GAS7: variants seen among roughly 807,000 people sequenced by gnomAD.
GAS7 encodes the protein growth arrest specific 7.
Under a neutral mutation model 71.1 loss-of-function variants are expected in GAS7, and 28 were observed. That is an observed-to-expected ratio of 0.39 (90% CI 0.29 to 0.54). The LOEUF is 0.54. Among genes scored for constraint, GAS7 ranks in the 20% least tolerant of loss-of-function variants. The pLI, the probability that GAS7 is intolerant of heterozygous loss-of-function variation, is 0.62. For missense variants in GAS7, 436 were observed against 627.8 expected, an observed-to-expected ratio of 0.69 and a Z score of 3.27; for synonymous variants, 258 against 245.8, an observed-to-expected ratio of 1.05 and a Z score of -0.46.
At chr17:10,065,970 C>T (rs551977472) in intron 1 of GAS7, among the ~76,000 whole-genome samples, 8 of 151,890 alleles carry the variant, frequency 5.3e-5, no homozygotes, top group Non-Finnish European at 1.0e-4. Flanking sequence ...TTGGGAGCCC[C>T]AAAGGAGGTC....
chr17:10,186,928 T>C (rs978719443), intron 1 of GAS7, among the ~76,000 whole-genome samples: 3 of 152,082 alleles, frequency 2.0e-5, no homozygotes, highest in African/African-American at 7.2e-5. Flanking sequence ...CAGCACTGAA[T>C]TCAGTCTGAG....
At chr17:10,109,477 T>A (rs1478627120) in intron 1 of GAS7, among the ~76,000 whole-genome samples, 1 of 152,202 alleles carries the variant, frequency 6.6e-6, no homozygotes, top group Non-Finnish European at 1.5e-5. Context: ...AGATGGGATC[T>A]CTTGTACACT....
intron 1 of GAS7, among the ~76,000 whole-genome samples, chr17:10,048,287 G>A (rs1410273039): frequency 1.3e-5 from 2 of 152,354 alleles, no homozygotes; most frequent in South Asian, 2.1e-4. Flanking sequence ...CATTGCAGTT[G>A]CGCCTGGGCG....
rs1017373298 is a variant in GAS7 at position 10,118,502 on chromosome 17, G to A, written c.183+79706C>T. Among the ~76,000 whole-genome samples, 13 of 152,260 alleles carry A rather than the reference G, an allele frequency of 8.5e-5. No individual in the cohort carries two copies. In the East Asian group the frequency reaches 1.5e-3, roughly 18 times the overall value. Reference sequence around the variant, plus strand: ...AAGGCTGGTGGATCCCTTGAGGTCCGGAGTTTGAGGCCAGCCTGGCCAACA... The same window carrying A: ...AAGGCTGGTGGATCCCTTGAGGTCCAGAGTTTGAGGCCAGCCTGGCCAACA... On this transcript the variant is annotated intron_variant, in intron 1 of 13. Transcript: ENST00000432992.
intron 1 of GAS7, among the ~76,000 whole-genome samples, chr17:10,089,089 A>T (rs2073552903): frequency 6.6e-6 from 1 of 152,104 alleles, no homozygotes; most frequent in Non-Finnish European, 1.5e-5. Context: ...TGAACCCAGG[A>T]GGCAGAGGTT....
rs915225689 is a variant in GAS7 at position 10,103,718 on chromosome 17, A to C, written c.184-83821T>G. Among the ~76,000 whole-genome samples the C allele has an allele frequency of 3.3e-5, 5 of 151,970 alleles. No homozygotes were observed. The highest frequency in any genetic ancestry group is 3.4e-3 in the Middle Eastern group (1 of 294). The stretch of plus-strand genomic sequence containing the variant: ...GCACATGCCTGTAATCCCGGCTACT[A>C]GGGAGGCTGAGGCAGGAGAACTGCT... On this transcript the variant is annotated intron_variant, in intron 1 of 13. Coordinates refer to ENST00000432992, the MANE Select transcript of GAS7 (RefSeq NM_201433.2). This position sits in a 1 kb window ranked among gnomAD's most constrained non-coding sequence, Gnocchi z 5.5.
At chr17:9,975,109 C>A (rs1031701446) in intron 3 of GAS7, among the ~76,000 whole-genome samples, 1 of 152,176 alleles carries the variant, frequency 6.6e-6, no homozygotes, top group Non-Finnish European at 1.5e-5. Context: ...AATCCCAGCA[C>A]TTTGGGAGGC....
chr17:10,078,626 TTA>T (rs1335301796), intron 1 of GAS7, among the ~76,000 whole-genome samples: 1 of 151,710 alleles, frequency 6.6e-6, no homozygotes, highest in Non-Finnish European at 1.5e-5. Context: ...AGGGAAGAGG[TTA>T]TATATGGAGG....
chr17:9,914,397 T>C lies in GAS7; in HGVS notation c.*2831A>G, dbSNP rs1055950431. On this transcript the variant is annotated 3_prime_UTR_variant, in exon 14 of 14. Coordinates refer to ENST00000432992, the MANE Select transcript of GAS7 (RefSeq NM_201433.2). The stretch of plus-strand genomic sequence containing the variant: ...GTGCACCACCACATCTGGCTAATTT[T>C]TTGTATTTTTAGCAGAGACGGGGTT... 4 of 180,404 alleles carry C rather than the reference T, an allele frequency of 2.2e-5. No homozygotes were observed. Among genetic ancestry groups the C allele is most frequent in the African/African-American group, 9.4e-5 (4 of 42,372 alleles). The allele number at this position is 180,404 out of a possible 1,614,324, so 11.2% of individuals were successfully genotyped here. A position where few individuals can be genotyped will look rare whatever the true frequency, so the allele number is the denominator to read the frequency against.
intron 7 of GAS7, among the ~76,000 whole-genome samples, chr17:9,941,632 C>G (rs2068606911): frequency 6.6e-6 from 1 of 152,232 alleles, no homozygotes; most frequent in South Asian, 2.1e-4. Context: ...CCTGAAATGG[C>G]AGTTTCCAAT....
chr17:10,132,016 C>T (rs1044804004), intron 1 of GAS7, among the ~76,000 whole-genome samples: 6 of 152,006 alleles, frequency 3.9e-5, no homozygotes, highest in African/African-American at 1.5e-4. Flanking sequence ...TGCATGAAAA[C>T]GTACTCATGA....
At chr17:10,122,082 C>T (rs1476472392) in intron 1 of GAS7, among the ~76,000 whole-genome samples, 1 of 152,180 alleles carries the variant, frequency 6.6e-6, no homozygotes, top group Non-Finnish European at 1.5e-5. Flanking sequence ...AGCATCAGCA[C>T]CATCATCAAC....
chr17:10,022,423 G>A (rs535239407), intron 1 of GAS7, among the ~76,000 whole-genome samples: 12 of 152,274 alleles, frequency 7.9e-5, no homozygotes, highest in African/African-American at 2.9e-4. Context: ...AACTTGGGAG[G>A]AAATAGGAAG....
intron 1 of GAS7, among the ~76,000 whole-genome samples, chr17:10,162,778 A>C (rs138923390): frequency 0.018 from 2,746 of 152,350 alleles, 30 homozygotes; most frequent in Non-Finnish European, 0.026. Flanking sequence ...CAATTATATG[A>C]GGTCCCTAGT....
intron 1 of GAS7, among the ~76,000 whole-genome samples, chr17:10,130,254 C>A (rs1316902775): frequency 1.3e-5 from 2 of 150,516 alleles, no homozygotes; most frequent in Non-Finnish European, 2.9e-5. Flanking sequence ...CCAGCCAACA[C>A]CAGTAGTCTT....
At chr17:10,105,927 C>G (rs550386448) in intron 1 of GAS7, among the ~76,000 whole-genome samples, 1 of 152,168 alleles carries the variant, frequency 6.6e-6, no homozygotes, top group African/African-American at 2.4e-5. Context: ...ACTGCCAGAC[C>G]TTGCCATGTT....
At chr17:9,956,338 G>T (rs952879411) in intron 5 of GAS7, among the ~76,000 whole-genome samples, 1 of 152,158 alleles carries the variant, frequency 6.6e-6, no homozygotes, top group East Asian at 1.9e-4. Flanking sequence ...AAGAAGAGTA[G>T]ACAGGACCCC....
At position 9,974,128 on chromosome 17, in the gene GAS7, G is replaced by A. The variant is rs2070085250; in HGVS notation, c.386-4366C>T. On this transcript the variant is annotated intron_variant, in intron 3 of 13. Coordinates refer to ENST00000432992, the MANE Select transcript of GAS7 (RefSeq NM_201433.2). This position sits in a 1 kb window ranked among gnomAD's most constrained non-coding sequence, Gnocchi z 4.0. Reference sequence around the variant, plus strand: ...CTTGTTCCCACTTCAGTTCTGGTCTGTCAGCTGATGGCTAATTACTGCTCA... The same window carrying A: ...CTTGTTCCCACTTCAGTTCTGGTCTATCAGCTGATGGCTAATTACTGCTCA... Among the ~76,000 whole-genome samples the A allele has an allele frequency of 6.6e-6, 1 of 152,198 alleles. No homozygotes were observed. The highest frequency in any genetic ancestry group is 2.4e-5 in the African/African-American group (1 of 41,444).
At chr17:9,996,364 T>C (rs1195920370) in intron 2 of GAS7, among the ~76,000 whole-genome samples, 2 of 137,524 alleles carry the variant, frequency 1.5e-5, no homozygotes, top group Non-Finnish European at 3.0e-5. Flanking sequence ...AGGTGGGAAT[T>C]GAACAATGAG....
Sources: gnomAD v4.1 joint callset for allele counts (sites outside exome capture counted in the v4.1 genomes callset) on GRCh38, gnomAD v4.1.1 for gene constraint, Gnocchi (gnomAD v3.1) non-coding constraint, MANE v1.5 for transcripts, NCBI Gene and HGNC (gene_info 2026-07-23, HGNC 2026-07-21) for gene names.